ADAMTS2: variants seen among roughly 807,000 people sequenced by gnomAD.
The protein encoded by ADAMTS2 is A disintegrin and metalloproteinase with thrombospondin motifs 2.
A neutral mutation model predicts 123.0 loss-of-function variants in ADAMTS2; 50 were observed. The observed-to-expected ratio is 0.41, with a 90% CI of 0.32 to 0.51. The LOEUF (loss-of-function observed/expected upper bound fraction) is 0.51. Among genes scored for constraint, ADAMTS2 ranks in the 20% least tolerant of loss-of-function variants. The pLI, the probability that ADAMTS2 is intolerant of heterozygous loss-of-function variation, is 0.35. For synonymous variants in ADAMTS2, 678 were observed against 695.4 expected (o/e 0.98, Z 0.39); for missense variants, 1,494 against 1,705.2 (o/e 0.88, Z 2.18).
At chr5:179,338,975 T>C (rs948926637) in intron 2 of ADAMTS2, among the ~76,000 whole-genome samples, 17 of 151,956 alleles carry the variant, frequency 1.1e-4, no homozygotes, top group Non-Finnish European at 2.5e-4. Flanking sequence ...TATGGGGTCA[T>C]CCAGGGAAGG....
At chr5:179,224,019 T>G (rs1186257625) in intron 3 of ADAMTS2, among the ~76,000 whole-genome samples, 1 of 152,242 alleles carries the variant, frequency 6.6e-6, no homozygotes, top group Non-Finnish European at 1.5e-5. Context: ...CTTATGCTAC[T>G]TCTGAGCAGG....
chr5:179,283,549 C>CAAAAAAAAAAAAAAAAAAAAAACAAAA (rs3986816), intron 2 of ADAMTS2, among the ~76,000 whole-genome samples: 1 of 51,344 alleles, frequency 1.9e-5, no homozygotes, highest in Non-Finnish European at 3.4e-5. Flanking sequence ...AGAAAAACAG[C>CAAAAAAAAAAAAAAAAAAAAAACAAAA]AAAAAAAAAA....
At chr5:179,310,592 C>T (rs777007024) in intron 2 of ADAMTS2, among the ~76,000 whole-genome samples, 4 of 152,174 alleles carry the variant, frequency 2.6e-5, no homozygotes, top group Non-Finnish European at 5.9e-5. Flanking sequence ...CAGAGCCTGG[C>T]TATGCAAAAT....
Position 179,119,000 on chromosome 5 carries a change from C to T in ADAMTS2, c.3178+2661G>A, listed in dbSNP as rs560739964. Reference sequence around the variant, plus strand: ...TCAGTAAAGGAGTGGTAGGCTCAGACACCCATGCCAACATTCAAAAGGTCA... The same window carrying T: ...TCAGTAAAGGAGTGGTAGGCTCAGATACCCATGCCAACATTCAAAAGGTCA... On this transcript the variant is annotated intron_variant, in intron 21 of 21. Transcript: ENST00000251582. This position sits in a 1 kb window ranked among gnomAD's most constrained non-coding sequence, Gnocchi z 4.5. Among the ~76,000 whole-genome samples, 8 of 152,336 alleles carry T rather than the reference C, an allele frequency of 5.3e-5. No homozygotes were observed. In the South Asian group the frequency reaches 1.2e-3, roughly 24 times the overall value.
At chr5:179,239,754 C>A (rs766446177) in intron 3 of ADAMTS2, among the ~76,000 whole-genome samples, 17 of 152,096 alleles carry the variant, frequency 1.1e-4, no homozygotes, top group African/African-American at 3.6e-4. Flanking sequence ...GAGCCCTGGG[C>A]GCATCAACCC....
chr5:179,210,907 T>G (rs544404863), intron 3 of ADAMTS2, among the ~76,000 whole-genome samples: 3 of 152,366 alleles, frequency 2.0e-5, no homozygotes, highest in Non-Finnish European at 4.4e-5. Flanking sequence ...TTTCCCACAT[T>G]GGGCTTAACC....
rs1766071800 is a variant in ADAMTS2 at position 179,256,974 on chromosome 5, C to G, written c.688+15937G>C. On this transcript the variant is annotated intron_variant, in intron 3 of 21. Transcript: ENST00000251582. This position sits in a 1 kb window ranked among gnomAD's most constrained non-coding sequence, Gnocchi z 4.1. Reference sequence around the variant, plus strand: ...AGGTCAGGCCAGAGCAAGGACTCCGCAGGCCAGGCCCACACTGGCGGCCCC... The same window carrying G: ...AGGTCAGGCCAGAGCAAGGACTCCGGAGGCCAGGCCCACACTGGCGGCCCC... 6.6e-6 allele frequency among the ~76,000 whole-genome samples: 1 copy of G among 152,230 alleles called. No homozygotes were observed. Among genetic ancestry groups the G allele is most frequent in the Non-Finnish European group, 1.5e-5 (1 of 68,032 alleles).
At position 179,125,235 on chromosome 5, in the gene ADAMTS2, C is replaced by A. The variant is rs368646207; in HGVS notation, c.2751-55G>T. ...CTTCCGCAGCACCTGGAGAACCTGCCTGGCTGAGCTCCAGCGCCGCTCCCT... is the reference window on the plus strand; with the variant it reads ...CTTCCGCAGCACCTGGAGAACCTGCATGGCTGAGCTCCAGCGCCGCTCCCT... On this transcript the variant is annotated intron_variant, in intron 18 of 21. Coordinates refer to ENST00000251582, the MANE Select transcript of ADAMTS2 (RefSeq NM_014244.5). 1.7e-5 allele frequency: 27 copies of A among 1,557,768 alleles called. No homozygotes were observed. In the African/African-American group the frequency reaches 2.4e-4, roughly 14 times the overall value.
rs540915808 is a variant in ADAMTS2 at position 179,300,180 on chromosome 5, G to T, written c.535-27116C>A. Among the ~76,000 whole-genome samples, 21 of 151,152 alleles carry T rather than the reference G, an allele frequency of 1.4e-4. 1 individual carries two copies. In the South Asian group the frequency reaches 2.5e-3, roughly 18 times the overall value. On this transcript the variant is annotated intron_variant, in intron 2 of 21. Transcript: ENST00000251582. ...CCTTATCTTAAAAGTCAACTAATTAGCAACCTGACTTCCATCTGTAACCTT... is the reference window on the plus strand; with the variant it reads ...CCTTATCTTAAAAGTCAACTAATTATCAACCTGACTTCCATCTGTAACCTT...
chr5:179,196,872 A>G (rs776009419), intron 4 of ADAMTS2, among the ~76,000 whole-genome samples: 1 of 152,216 alleles, frequency 6.6e-6, no homozygotes, highest in Non-Finnish European at 1.5e-5. Context: ...TTCATAAATC[A>G]ATAGGCGTGG....
chr5:179,280,982 C>G (rs558825898), intron 2 of ADAMTS2, among the ~76,000 whole-genome samples: 39 of 152,284 alleles, frequency 2.6e-4, no homozygotes, highest in South Asian at 2.5e-3. Flanking sequence ...CTCAGCCTCC[C>G]AAGTAACTGG....
intron 2 of ADAMTS2, among the ~76,000 whole-genome samples, chr5:179,326,199 TGC>T (rs1399519509): frequency 8.3e-5 from 10 of 119,862 alleles, no homozygotes; most frequent in East Asian, 2.7e-4. Flanking sequence ...CGTTTGTGTG[TGC>T]GTGTGTGTGT....
intron 3 of ADAMTS2, among the ~76,000 whole-genome samples, chr5:179,209,806 T>C (rs1262730642): frequency 1.3e-5 from 2 of 152,188 alleles, no homozygotes; most frequent in Non-Finnish European, 2.9e-5. Context: ...TTTTTGTACA[T>C]TTATTTCTTT....
At chr5:179,191,104 G>T (rs1467793557) in intron 4 of ADAMTS2, among the ~76,000 whole-genome samples, 1 of 152,280 alleles carries the variant, frequency 6.6e-6, no homozygotes, top group African/African-American at 2.4e-5. Context: ...TGCTGAGGCT[G>T]CAGGACGCAG....
chr5:179,233,561 C>G (rs1488096445), intron 3 of ADAMTS2, among the ~76,000 whole-genome samples: 1 of 152,272 alleles, frequency 6.6e-6, no homozygotes, highest in East Asian at 1.9e-4. Flanking sequence ...TTGGCAGGCA[C>G]CTGTAATCCC....
intron 1 of ADAMTS2, among the ~76,000 whole-genome samples, chr5:179,344,520 G>A (rs1757883147): frequency 6.6e-6 from 1 of 152,222 alleles, no homozygotes; most frequent in African/African-American, 2.4e-5. Context: ...ACCGTCCTTG[G>A]CAGGACGTGG....
rs377126336 is a variant in ADAMTS2 at position 179,180,980 on chromosome 5, C to T, written c.975+92G>A. On this transcript the variant is annotated intron_variant, in intron 5 of 21. Coordinates refer to ENST00000251582, the MANE Select transcript of ADAMTS2 (RefSeq NM_014244.5). This position sits in a 1 kb window ranked among gnomAD's most constrained non-coding sequence, Gnocchi z 4.6. ...GGAGAGGCAGGGTGGTTCTGGCAAA[C>T]GCACACACTCTCCAAGGAGGCCCAT... is the stretch of plus-strand genomic sequence containing the variant. 1.2e-3 allele frequency: 1,161 copies of T among 1,005,432 alleles called. 14 individuals carry two copies. In the South Asian group the frequency reaches 0.014, roughly 12 times the overall value. The allele number at this position is 1,005,432 out of a possible 1,614,324, so 62.3% of individuals were successfully genotyped here. A position where few individuals can be genotyped will look rare whatever the true frequency, so the allele number is the denominator to read the frequency against.
chr5:179,147,568 A>T (rs1049926101), intron 10 of ADAMTS2, among the ~76,000 whole-genome samples: 1 of 152,232 alleles, frequency 6.6e-6, no homozygotes, highest in African/African-American at 2.4e-5. Flanking sequence ...TTTTCTGCAA[A>T]GATCTGAGGG....
chr5:179,344,093 A>G lies in ADAMTS2; in HGVS notation c.208T>C (p.Leu70=). ...VPVRTDAQGR[L]VSHVVSAATS... The stretch of plus-strand genomic sequence containing the variant: ...GCTGCCGACACCACGTGGGACACCA[A>G]GCGGCCCTGGGCGTCAGTGCGCACG... Residue 70 remains leucine, a synonymous_variant, in exon 2 of 22, where the codon TTG becomes CTG. Coordinates refer to ENST00000251582, the MANE Select transcript of ADAMTS2 (RefSeq NM_014244.5). 1 of 1,610,264 alleles carries G rather than the reference A, an allele frequency of 6.2e-7. No homozygotes were observed. The highest frequency in any genetic ancestry group is 8.5e-7 in the Non-Finnish European group (1 of 1,178,466).
Sources: allele counts gnomAD v4.1 joint callset (sites outside exome capture counted in the v4.1 genomes callset), GRCh38; gene constraint gnomAD v4.1.1; non-coding constraint Gnocchi (gnomAD v3.1); transcripts MANE v1.5; gene names NCBI Gene and HGNC (gene_info 2026-07-23, HGNC 2026-07-21).